KITLG: variants seen among roughly 807,000 people sequenced by gnomAD.
KITLG encodes c-Kit ligand.
KITLG carries 13 observed loss-of-function variants against 34.1 expected under a neutral mutation model. The ratio of observed to expected loss-of-function variants is 0.38; its 90% CI spans 0.25 to 0.61. The LOEUF (loss-of-function observed/expected upper bound fraction) is 0.61, where lower values mean the gene tolerates loss of function less well. Ranked by LOEUF, KITLG falls within the 20% of genes least tolerant of loss-of-function variation. The probability of loss-of-function intolerance (pLI) is 0.60; values close to 1 mark genes in which losing one functional copy is unlikely to be tolerated. For missense variants in KITLG, 292 were observed against 318.9 expected, an observed-to-expected ratio of 0.92 and a Z score of 0.64; for synonymous variants, 110 against 104.0, an observed-to-expected ratio of 1.06 and a Z score of -0.35.
At chr12:88,551,948 T>C (rs914418851) in intron 1 of KITLG, among the ~76,000 whole-genome samples, 3 of 152,184 alleles carry the variant, frequency 2.0e-5, no homozygotes, top group East Asian at 3.9e-4. Flanking sequence ...GGTGCGATGA[T>C]GGAAGAAGGG....
intron 1 of KITLG, among the ~76,000 whole-genome samples, chr12:88,550,836 C>A (rs1870888383): frequency 6.6e-6 from 1 of 152,160 alleles, no homozygotes; most frequent in Non-Finnish European, 1.5e-5. Flanking sequence ...ATATTCCATG[C>A]CACAGCTGAA....
At chr12:88,550,065 G>C (rs998517394) in intron 1 of KITLG, among the ~76,000 whole-genome samples, 4 of 152,220 alleles carry the variant, frequency 2.6e-5, no homozygotes, top group African/African-American at 9.6e-5. Flanking sequence ...TTTTATTGAA[G>C]TGGTATGGGA....
intron 9 of KITLG, among the ~76,000 whole-genome samples, chr12:88,500,824 G>A (rs541803334): frequency 6.6e-6 from 1 of 152,098 alleles, no homozygotes; most frequent in Non-Finnish European, 1.5e-5. Context: ...CTATCACCCA[G>A]GTTGGAATGC....
chr12:88,507,011 G>C lies in KITLG; in HGVS notation c.714+17C>G. 1 of 1,309,484 alleles carries C rather than the reference G, an allele frequency of 7.6e-7. No homozygotes were observed. The highest frequency in any genetic ancestry group is 1.4e-5 in the African/African-American group (1 of 69,138). 81.1% of individuals were successfully genotyped at this position (1,309,484 alleles called of 1,614,324 possible). ...TAAACATAGCATATTTTTAAAAAAA[G>C]GAATGGTACCACTTACCTTCCAGTA... On this transcript the variant is annotated intron_variant, in intron 7 of 9. Coordinates refer to ENST00000644744, the MANE Select transcript of KITLG (RefSeq NM_000899.5).
intron 3 of KITLG, among the ~76,000 whole-genome samples, chr12:88,523,092 C>T (rs770354834): frequency 3.3e-5 from 5 of 152,130 alleles, no homozygotes; most frequent in Admixed American, 6.5e-5. Flanking sequence ...TTCTTTAATT[C>T]GTGTCAAACT....
rs1868623537 is a variant in KITLG, at chr12:88,495,905, T to A, written c.*1314A>T. 1 of 152,112 alleles carries A rather than the reference T, an allele frequency of 6.6e-6. No individual in the cohort carries two copies. Among genetic ancestry groups the A allele is most frequent in the Non-Finnish European group, 1.5e-5 (1 of 68,002 alleles). 9.4% of individuals were successfully genotyped at this position (152,112 alleles called of 1,614,324 possible). ...AGATGTTTTCTTATTATAAAAAAAA[T>A]TGGCAAGGGATATTCACATAATGTC... On this transcript the variant is annotated 3_prime_UTR_variant, in exon 10 of 10. Coordinates refer to ENST00000644744, the MANE Select transcript of KITLG (RefSeq NM_000899.5).
At chr12:88,573,319 T>C (rs1871719085) in intron 1 of KITLG, among the ~76,000 whole-genome samples, 1 of 152,192 alleles carries the variant, frequency 6.6e-6, no homozygotes, top group South Asian at 2.1e-4. Context: ...CCAAAGAATC[T>C]GTGTGTTTTC....
chr12:88,516,738 C>T (rs1869471651), intron 4 of KITLG, among the ~76,000 whole-genome samples: 1 of 150,756 alleles, frequency 6.6e-6, no homozygotes. Flanking sequence ...AAATAAATAA[C>T]CTTAAAAACA....
At chr12:88,547,624 C>T (rs1342547171) in intron 1 of KITLG, among the ~76,000 whole-genome samples, 4 of 152,146 alleles carry the variant, frequency 2.6e-5, no homozygotes, top group Non-Finnish European at 5.9e-5. Context: ...ATTGCTAAGA[C>T]GTAACCTCCC....
At chr12:88,548,655 T>C (rs553392061) in intron 1 of KITLG, among the ~76,000 whole-genome samples, 10 of 152,228 alleles carry the variant, frequency 6.6e-5, no homozygotes, top group Non-Finnish European at 1.3e-4. Flanking sequence ...TGAACTTCTA[T>C]TCATTTTCTA....
chr12:88,566,308 G>C (rs1011107777), intron 1 of KITLG, among the ~76,000 whole-genome samples: 1 of 152,160 alleles, frequency 6.6e-6, no homozygotes, highest in Non-Finnish European at 1.5e-5. Context: ...GAGACATTTG[G>C]CATTAAATTC....
chr12:88,531,172 G>C (rs920778771), intron 3 of KITLG, among the ~76,000 whole-genome samples: 1 of 152,230 alleles, frequency 6.6e-6, no homozygotes, highest in Admixed American at 6.5e-5. Flanking sequence ...TATTCAAAAA[G>C]TTCCATGTCT....
chr12:88,528,433 T>C (rs1219733463), intron 3 of KITLG, among the ~76,000 whole-genome samples: 1 of 152,174 alleles, frequency 6.6e-6, no homozygotes, highest in Non-Finnish European at 1.5e-5. Context: ...ATTATTTACA[T>C]GGTATCAAAA....
At chr12:88,532,721 C>T (rs1870145323) in intron 2 of KITLG, among the ~76,000 whole-genome samples, 1 of 152,128 alleles carries the variant, frequency 6.6e-6, no homozygotes, top group African/African-American at 2.4e-5. Context: ...ATCTTTTAGA[C>T]TCCAAATTCA....
At chr12:88,577,382 C>T (rs1366211833) in intron 1 of KITLG, among the ~76,000 whole-genome samples, 3 of 152,104 alleles carry the variant, frequency 2.0e-5, no homozygotes, top group Non-Finnish European at 2.9e-5. Flanking sequence ...TATGACACTT[C>T]TCACAAACCA....
chr12:88,528,176 T>C (rs1286033531), intron 3 of KITLG, among the ~76,000 whole-genome samples: 2 of 152,218 alleles, frequency 1.3e-5, no homozygotes, highest in African/African-American at 4.8e-5. Flanking sequence ...TCAGAGGCCA[T>C]GTGCGTTCCT....
intron 9 of KITLG, among the ~76,000 whole-genome samples, chr12:88,497,717 T>C (rs975492719): frequency 6.6e-6 from 1 of 152,130 alleles, no homozygotes; most frequent in Non-Finnish European, 1.5e-5. Flanking sequence ...GAAATGGAGA[T>C]AGATGGAGTA....
chr12:88,509,844 T>A (rs1192768089), intron 6 of KITLG, among the ~76,000 whole-genome samples: 1 of 152,182 alleles, frequency 6.6e-6, no homozygotes, highest in Non-Finnish European at 1.5e-5. Context: ...AGGGAATGAC[T>A]TTCAATACTT....
At chr12:88,546,664 T>C (rs956372924) in intron 1 of KITLG, among the ~76,000 whole-genome samples, 1 of 152,196 alleles carries the variant, frequency 6.6e-6, no homozygotes, top group East Asian at 1.9e-4. Context: ...TAACACAGTG[T>C]CTTGCATATA....
Sources: allele counts gnomAD v4.1 joint callset (sites outside exome capture counted in the v4.1 genomes callset), GRCh38; gene constraint gnomAD v4.1.1; transcripts MANE v1.5; gene names NCBI Gene and HGNC (gene_info 2026-07-23, HGNC 2026-07-21).